Variants in STIM1 observed in about 807,000 individuals in gnomAD.
STIM1 encodes the protein stromal interaction molecule 1.
STIM1 carries 25 observed loss-of-function variants against 74.7 expected under a neutral mutation model. The ratio of observed to expected loss-of-function variants is 0.33; its 90% CI spans 0.24 to 0.47. The LOEUF (loss-of-function observed/expected upper bound fraction) is 0.47. STIM1 is among the 20% of genes least tolerant of loss of function. The pLI is 1.00. For synonymous variants in STIM1, 328 were observed against 348.8 expected (o/e 0.94, Z 0.66); for missense variants, 728 against 920.8 (o/e 0.79, Z 2.71).
intron 1 of STIM1, among the ~76,000 whole-genome samples, chr11:3,858,505 T>A (rs2090475125): frequency 6.6e-6 from 1 of 152,222 alleles, no homozygotes; most frequent in Non-Finnish European, 1.5e-5. Flanking sequence ...CTGGAGGTTC[T>A]AGCACTATTG....
chr11:3,960,742 T>C (rs961871327), intron 1 of STIM1, among the ~76,000 whole-genome samples: 2 of 152,216 alleles, frequency 1.3e-5, no homozygotes. Flanking sequence ...TGCATATCTA[T>C]GTTTTGATCT....
In STIM1 at chr11:4,083,294, C is replaced by A. The variant is rs200892145; in HGVS notation, c.1270C>A (p.Arg424=). 1.9e-6 allele frequency: 3 copies of A among 1,614,206 alleles called. No individual in the cohort carries two copies. Among genetic ancestry groups the A allele is most frequent in the South Asian group, 1.1e-5 (1 of 91,092 alleles). Residue 424 remains arginine (R), a synonymous_variant, in exon 10 of 13, where the codon CGG becomes AGG. Transcript: ENST00000526596. ...ACTGAGCGAGGTGACAGCAGCATTG[C>A]GGGAGCGCCTGCACCGCTGGCAACA... ...QALSEVTAAL[R]ERLHRWQQIE...
chr11:3,895,704 TTC>T (rs2092095567), intron 1 of STIM1, among the ~76,000 whole-genome samples: 3 of 32,250 alleles, frequency 9.3e-5, no homozygotes, highest in African/African-American at 6.0e-4. Flanking sequence ...CTTTCTTTCT[TTC>T]TTTCTTTCTT....
intron 2 of STIM1, among the ~76,000 whole-genome samples, chr11:3,986,905 T>TG (rs2093562724): frequency 6.6e-6 from 1 of 152,218 alleles, no homozygotes. Context: ...GTACCCAACA[T>TG]GCATCAGGCC....
At chr11:4,037,618 T>C (rs2094114587) in intron 3 of STIM1, among the ~76,000 whole-genome samples, 1 of 152,222 alleles carries the variant, frequency 6.6e-6, no homozygotes, top group South Asian at 2.1e-4. Context: ...TAGTTTGGAA[T>C]GTCTTTTTCC....
chr11:4,051,675 C>T (rs2094243255), intron 3 of STIM1, among the ~76,000 whole-genome samples: 1 of 151,422 alleles, frequency 6.6e-6, no homozygotes, highest in Non-Finnish European at 1.5e-5. Flanking sequence ...TTGCAACAGT[C>T]TCACTCCGTC....
At chr11:3,896,018 C>A (rs1048976090) in intron 1 of STIM1, among the ~76,000 whole-genome samples, 4 of 151,312 alleles carry the variant, frequency 2.6e-5, no homozygotes, top group Admixed American at 2.0e-4. Context: ...CATTCTCCTG[C>A]CTCAGCCTCC....
chr11:3,973,967 C>G (rs2093421027), intron 2 of STIM1: 2 of 629,264 alleles, frequency 3.2e-6, no homozygotes, highest in South Asian at 1.7e-5. Context: ...GGCATGTGGT[C>G]TTTGAGAATC....
intron 2 of STIM1, among the ~76,000 whole-genome samples, chr11:4,006,766 A>G (rs555827321): frequency 4.6e-5 from 7 of 152,164 alleles, no homozygotes; most frequent in African/African-American, 1.4e-4. Context: ...GGTTCTAAAT[A>G]TTGTGGGCTG....
At chr11:3,871,847 A>G (rs192736070) in intron 1 of STIM1, among the ~76,000 whole-genome samples, 1 of 152,206 alleles carries the variant, frequency 6.6e-6, no homozygotes, top group Non-Finnish European at 1.5e-5. Flanking sequence ...AACAGAATCT[A>G]TCTTACAAGG....
At chr11:3,976,235 A>G (rs1159978361) in intron 2 of STIM1, among the ~76,000 whole-genome samples, 1 of 152,252 alleles carries the variant, frequency 6.6e-6, no homozygotes, top group Non-Finnish European at 1.5e-5. Context: ...AATATACACA[A>G]CATATGTGAA....
At position 3,855,940 on chromosome 11, in the gene STIM1, G is replaced by T. The variant is rs967911794; in HGVS notation, c.-331G>T. Reference sequence around the variant, plus strand: ...TTCTGTGCCCGCGGAGACTCCGGCCGCCCCCTTCCGCAGGGGTGTAGTAAT... The same window carrying T: ...TTCTGTGCCCGCGGAGACTCCGGCCTCCCCCTTCCGCAGGGGTGTAGTAAT... On this transcript the variant is annotated 5_prime_UTR_variant, in exon 1 of 13. Coordinates refer to ENST00000526596, the MANE Select transcript of STIM1 (RefSeq NM_001382567.1). 3 of 342,610 alleles carry T rather than the reference G, an allele frequency of 8.8e-6. No homozygotes were observed. Among genetic ancestry groups the T allele is most frequent in the African/African-American group, 6.3e-5 (3 of 47,328 alleles). The allele number at this position is 342,610 out of a possible 1,614,324, so 21.2% of individuals were successfully genotyped here.
At chr11:4,015,305 T>C (rs2093885152) in intron 2 of STIM1, among the ~76,000 whole-genome samples, 1 of 152,238 alleles carries the variant, frequency 6.6e-6, no homozygotes, top group South Asian at 2.1e-4. Context: ...CCTTCACTTA[T>C]GAAGCTTAGT....
intron 1 of STIM1, among the ~76,000 whole-genome samples, chr11:3,875,255 A>C (rs1383756358): frequency 6.6e-6 from 1 of 152,194 alleles, no homozygotes; most frequent in Admixed American, 6.5e-5. Context: ...ATGTCACTTC[A>C]CAGGATAAAG....
At chr11:4,015,874 C>T (rs1386761858) in intron 2 of STIM1, among the ~76,000 whole-genome samples, 1 of 152,106 alleles carries the variant, frequency 6.6e-6, no homozygotes, top group African/African-American at 2.4e-5. Context: ...AGTTCTCGTA[C>T]TGTGGTTTTC....
intron 1 of STIM1, among the ~76,000 whole-genome samples, chr11:3,924,660 T>C (rs756886050): frequency 6.6e-5 from 10 of 152,230 alleles, no homozygotes; most frequent in Non-Finnish European, 1.2e-4. Flanking sequence ...TTCTTTGCTG[T>C]AATAGCTTGC....
At chr11:3,875,547 G>A (rs763605082) in intron 1 of STIM1, among the ~76,000 whole-genome samples, 16 of 151,990 alleles carry the variant, frequency 1.1e-4, no homozygotes, top group Non-Finnish European at 2.1e-4. Flanking sequence ...GCAACATGGT[G>A]AAACCCTGTC....
intron 2 of STIM1, among the ~76,000 whole-genome samples, chr11:3,982,735 T>C (rs1370936098): frequency 6.6e-6 from 1 of 152,216 alleles, no homozygotes; most frequent in Non-Finnish European, 1.5e-5. Flanking sequence ...TCTGTGAATA[T>C]ACTAAAAACT....
At chr11:3,909,348 A>G (rs2092521448) in intron 1 of STIM1, among the ~76,000 whole-genome samples, 1 of 152,148 alleles carries the variant, frequency 6.6e-6, no homozygotes, top group Non-Finnish European at 1.5e-5. Context: ...TCCCCAGCTG[A>G]TTGGGGGTAT....
Sources: allele counts gnomAD v4.1 joint callset (sites outside exome capture counted in the v4.1 genomes callset), GRCh38; gene constraint gnomAD v4.1.1; transcripts MANE v1.5; gene names NCBI Gene and HGNC (gene_info 2026-07-23, HGNC 2026-07-21).